PLXDC2: variants seen among roughly 807,000 people sequenced by gnomAD.
PLXDC2 encodes the protein plexin domain containing 2.
PLXDC2 carries 40 observed loss-of-function variants against 68.9 expected under a neutral mutation model. The ratio of observed to expected loss-of-function variants is 0.58; its 90% confidence interval spans 0.45 to 0.76. PLXDC2 has a LOEUF of 0.76. Among genes scored for constraint, PLXDC2 ranks in the 30% least tolerant of loss-of-function variants. The pLI is 0.00. For missense variants in PLXDC2, 644 were observed against 661.9 expected, an observed-to-expected ratio of 0.97 and a Z score of 0.30; for synonymous variants, 243 against 234.2, an observed-to-expected ratio of 1.04 and a Z score of -0.34.
At chr10:20,022,338 CAAAT>C (rs1835326224) in intron 2 of PLXDC2, among the ~76,000 whole-genome samples, 1 of 152,020 alleles carries the variant, frequency 6.6e-6, no homozygotes, top group Admixed American at 6.6e-5. Context: ...ATAAAGTAAA[CAAAT>C]AAATCCATGA....
At chr10:20,088,568 T>G (rs1833232177) in intron 4 of PLXDC2, among the ~76,000 whole-genome samples, 1 of 152,162 alleles carries the variant, frequency 6.6e-6, no homozygotes, top group Non-Finnish European at 1.5e-5. Flanking sequence ...AAGGTAGAGA[T>G]AGATTGTAAA....
At chr10:20,200,405 G>A (rs1373673942) in intron 9 of PLXDC2, among the ~76,000 whole-genome samples, 2 of 152,020 alleles carry the variant, frequency 1.3e-5, no homozygotes, top group Non-Finnish European at 2.9e-5. Flanking sequence ...GTGAGGTTGT[G>A]TATTTTATAA....
intron 5 of PLXDC2, among the ~76,000 whole-genome samples, chr10:20,143,723 A>G (rs1322027505): frequency 6.6e-6 from 1 of 152,072 alleles, no homozygotes; most frequent in African/African-American, 2.4e-5. Context: ...TTTTCCCATC[A>G]GAAAAAAATG....
intron 1 of PLXDC2, among the ~76,000 whole-genome samples, chr10:19,989,405 A>G (rs1277120786): frequency 1.3e-5 from 2 of 152,178 alleles, no homozygotes; most frequent in Non-Finnish European, 2.9e-5. Context: ...AATGTTAACA[A>G]TTCAGTAATA....
chr10:19,882,950 T>C, intron 1 of PLXDC2, among the ~76,000 whole-genome samples: 1 of 70,118 alleles, frequency 1.4e-5, no homozygotes, highest in South Asian at 3.3e-4. Context: ...TTTTTTTTTT[T>C]TCCTTTCTTT....
At chr10:19,910,449 G>A (rs34307716) in intron 1 of PLXDC2, among the ~76,000 whole-genome samples, 32,404 of 151,806 alleles carry the variant, frequency 0.21, 4,022 homozygotes, top group South Asian at 0.31. Flanking sequence ...GGGAAAATGA[G>A]TCACTGAGAG....
Position 20,287,208 on chromosome 10 carries a change from C to T in PLXDC2, c.*7389C>T, listed in dbSNP as rs1054028817. 2 of 152,230 alleles carry T rather than the reference C, an allele frequency of 1.3e-5. No homozygotes were observed. The highest frequency in any genetic ancestry group is 2.1e-4 in the South Asian group (1 of 4,832). The allele number at this position is 152,230 out of a possible 1,614,324, so 9.4% of individuals were successfully genotyped here. ...AAAATGCAGCCATCACCCCCCATAC[C>T]TCTTCTATGGCATTCATCCTAACAT... is the stretch of plus-strand genomic sequence containing the variant. On this transcript the variant is annotated 3_prime_UTR_variant, in exon 14 of 14. Transcript: ENST00000377252.
intron 2 of PLXDC2, among the ~76,000 whole-genome samples, chr10:20,044,219 T>TCTCTCTCTC (rs1835745511): frequency 2.0e-4 from 3 of 14,692 alleles, no homozygotes; most frequent in Admixed American, 7.1e-4. Context: ...CTGTCTTTCT[T>TCTCTCTCTC]TCTTTCTTTC....
intron 7 of PLXDC2, among the ~76,000 whole-genome samples, chr10:20,166,861 C>G (rs1038478503): frequency 3.9e-5 from 6 of 152,030 alleles, no homozygotes; most frequent in Non-Finnish European, 7.4e-5. Flanking sequence ...AAAAGGATAA[C>G]TGTTACGTGT....
chr10:19,945,784 C>T (rs1015159367), intron 1 of PLXDC2, among the ~76,000 whole-genome samples: 5 of 152,106 alleles, frequency 3.3e-5, no homozygotes, highest in Non-Finnish European at 7.4e-5. Flanking sequence ...GAGAAGAGCC[C>T]GTATCTAACT....
At chr10:19,968,001 T>A (rs537030247) in intron 1 of PLXDC2, among the ~76,000 whole-genome samples, 6 of 152,340 alleles carry the variant, frequency 3.9e-5, no homozygotes, top group South Asian at 4.1e-4. Flanking sequence ...TATTTTAACC[T>A]AGAAAAGACT....
intron 6 of PLXDC2, among the ~76,000 whole-genome samples, chr10:20,154,864 A>G (rs1410502897): frequency 3.9e-5 from 6 of 152,010 alleles, no homozygotes; most frequent in Non-Finnish European, 7.4e-5. Flanking sequence ...AAAATGTCAT[A>G]TAATCCTACT....
intron 1 of PLXDC2, among the ~76,000 whole-genome samples, chr10:19,861,649 G>C (rs925999355): frequency 6.6e-6 from 1 of 151,952 alleles, no homozygotes; most frequent in African/African-American, 2.4e-5. Context: ...GTTCCCTTCT[G>C]ACCCTGATTC....
intron 12 of PLXDC2, among the ~76,000 whole-genome samples, chr10:20,240,012 G>C (rs1166371064): frequency 6.6e-6 from 1 of 152,124 alleles, no homozygotes; most frequent in Non-Finnish European, 1.5e-5. Context: ...TTATTGTACA[G>C]ATTATTTCAT....
chr10:20,020,178 A>ATTTTTTT (rs71388889), intron 2 of PLXDC2, among the ~76,000 whole-genome samples: 13,780 of 106,450 alleles, frequency 0.13, 931 homozygotes, highest in East Asian at 0.26. Context: ...CACCCAGCAA[A>ATTTTTTT]TTTTTTTTTT....
intron 1 of PLXDC2, among the ~76,000 whole-genome samples, chr10:19,979,225 A>G (rs570017733): frequency 4.3e-4 from 65 of 152,270 alleles, no homozygotes; most frequent in African/African-American, 1.5e-3. Flanking sequence ...ATTAAAGCCA[A>G]TTTTGTGATA....
intron 2 of PLXDC2, among the ~76,000 whole-genome samples, chr10:20,038,059 C>G (rs1447794130): frequency 6.6e-6 from 1 of 151,838 alleles, no homozygotes; most frequent in African/African-American, 2.4e-5. Context: ...CATGGTGAAA[C>G]CCCATCTCTA....
rs1429263607 is a variant in PLXDC2 at position 20,068,065 on chromosome 10, G to T, written c.472-105G>T. 5 of 890,720 alleles carry T rather than the reference G, an allele frequency of 5.6e-6. No individual in the cohort carries two copies. In the South Asian group the frequency reaches 8.8e-5, roughly 16 times the overall value. The allele number at this position is 890,720 out of a possible 1,614,324, so 55.2% of individuals were successfully genotyped here. A position where few individuals can be genotyped will look rare whatever the true frequency, so the allele number is the denominator to read the frequency against. ...TTTAAAAGAGAACTACAATAATTAT[G>T]GGGTAAAGTAGAAGCATCATTTTTG... On this transcript the variant is annotated intron_variant, in intron 3 of 13. Transcript: ENST00000377252.
At chr10:19,832,410 G>A (rs1014302052) in intron 1 of PLXDC2, among the ~76,000 whole-genome samples, 32 of 152,120 alleles carry the variant, frequency 2.1e-4, no homozygotes, top group Non-Finnish European at 8.8e-5. Flanking sequence ...AAAATAGACT[G>A]TTGTAGGTTA....
Sources: allele counts gnomAD v4.1 joint callset (sites outside exome capture counted in the v4.1 genomes callset), GRCh38; gene constraint gnomAD v4.1.1; transcripts MANE v1.5; gene names NCBI Gene and HGNC (gene_info 2026-07-23, HGNC 2026-07-21).